Variants in ADGRD2 observed in about 807,000 individuals in gnomAD.
The protein encoded by ADGRD2 is G protein-coupled receptor PGR24.
A neutral mutation model predicts 44.4 loss-of-function variants in ADGRD2; 71 were observed. The ratio of observed to expected loss-of-function variants is 1.60; its 90% confidence interval spans 1.32 to 1.95. ADGRD2 has a LOEUF of 1.95. ADGRD2 is among the 30% of genes most tolerant of loss of function. ADGRD2 has a pLI of 0.00. For synonymous variants in ADGRD2, 481 were observed against 224.8 expected (o/e 2.14, Z -10.19); for missense variants, 1,039 against 512.4 (o/e 2.03, Z -9.92).
intron 10 of ADGRD2, chr9:124,465,414 C>G (rs1469610894): frequency 6.7e-6 from 1 of 150,214 alleles, no homozygotes; most frequent in Non-Finnish European, 1.5e-5. Context: ...TTCAATAGCA[C>G]AATCTTGGCT....
At position 124,454,128 on chromosome 9, in the gene ADGRD2, T is replaced by A; in HGVS notation, c.1022+31T>A. Reference sequence around the variant, plus strand: ...CCCTGGCTGTACCCCTGGGCTCTGCTGAAGGGAAAGCCGGTGTGGACCGGA... The same window carrying A: ...CCCTGGCTGTACCCCTGGGCTCTGCAGAAGGGAAAGCCGGTGTGGACCGGA... On this transcript the variant is annotated intron_variant, in intron 4 of 21. Transcript: ENST00000334810. The surrounding 1 kb of genome is among the most constrained non-coding windows in gnomAD (Gnocchi z 4.5). 1.5e-6 allele frequency: 1 copy of A among 654,370 alleles called. No homozygotes were observed. Among genetic ancestry groups the A allele is most frequent in the Non-Finnish European group, 2.8e-6 (1 of 357,650 alleles). 40.5% of individuals were successfully genotyped at this position (654,370 alleles called of 1,614,324 possible).
chr9:124,467,838 A>C lies in ADGRD2; in HGVS notation c.2130+14A>C. ...CCTGGTGGCCGGGTGAGGAGAGTTC[A>C]CCACTGTAGCCTGGTGGCCTGGGCC... On this transcript the variant is annotated intron_variant, in intron 12 of 21. Transcript: ENST00000334810. 1 of 718,080 alleles carries C rather than the reference A, an allele frequency of 1.4e-6. No homozygotes were observed. The highest frequency in any genetic ancestry group is 2.6e-6 in the Non-Finnish European group (1 of 384,942). 44.5% of individuals were successfully genotyped at this position (718,080 alleles called of 1,614,324 possible). A position where few individuals can be genotyped will look rare whatever the true frequency, so the allele number is the denominator to read the frequency against.
exon 14 of ADGRD2, chr9:124,468,534 G>A (rs76895556): frequency 0.015 from 10,621 of 718,562 alleles, 416 homozygotes; most frequent in East Asian, 0.086. Context: ...ATGTGTGGCT[G>A]TCACAGTCGC....
chr9:124,452,002 C>G, upstream of ADGRD2: 2 of 328,200 alleles, frequency 6.1e-6, no homozygotes, highest in South Asian at 2.3e-5. Context: ...TGAATGCCCC[C>G]CTCCCACCCA....
At position 124,453,679 on chromosome 9, in the gene ADGRD2, A is replaced by G. The variant is rs1302138390; in HGVS notation, c.923+3A>G. The G allele has an allele frequency of 1.7e-5, 12 of 698,088 alleles. No individual in the cohort carries two copies. The highest frequency in any genetic ancestry group is 3.1e-5 in the Non-Finnish European group (12 of 383,102). The allele number at this position is 698,088 out of a possible 1,614,324, so 43.2% of individuals were successfully genotyped here. On this transcript the variant is annotated splice_donor_region_variant and intron_variant, in intron 3 of 21. Transcript: ENST00000334810. ...GTGGGTGCGCCTTCTCTGTCCCGGT[A>G]CGACCCGCCCCGCCCCGGCCCCACC...
intron 10 of ADGRD2, 83 bp from the exon 14 acceptor site, chr9:124,466,175 G>C (rs1031911700): frequency 2.0e-6 from 1 of 507,262 alleles, no homozygotes; most frequent in African/African-American, 2.0e-5. Context: ...TAGAGGCAGG[G>C]CAGTGACAGG....
chr9:124,452,389 G>A (rs529524476), intron 1 of ADGRD2, 121 bp from the exon 5 acceptor site: 2 of 684,554 alleles, frequency 2.9e-6, no homozygotes, highest in Non-Finnish European at 5.4e-6. Context: ...CATAGACATG[G>A]GCGGGTTCAG....
intron 10 of ADGRD2, among the ~76,000 whole-genome samples, chr9:124,458,950 C>G (rs1044741647): frequency 6.6e-6 from 1 of 152,232 alleles, no homozygotes; most frequent in African/African-American, 2.4e-5. Flanking sequence ...ATCCTCCAAC[C>G]GCGCACTTCA....
chr9:124,459,781 ATG>A (rs1285643531), intron 10 of ADGRD2, among the ~76,000 whole-genome samples: 2 of 151,814 alleles, frequency 1.3e-5, no homozygotes, highest in Non-Finnish European at 2.9e-5. Context: ...ATACAGGAGC[ATG>A]TGTTTAGGTT....
At chr9:124,462,919 C>T (rs1831747253) in intron 10 of ADGRD2, among the ~76,000 whole-genome samples, 1 of 150,320 alleles carries the variant, frequency 6.7e-6, no homozygotes, top group Non-Finnish European at 1.5e-5. Context: ...TCCTTCCTGA[C>T]TTTCTCTCTC....
chr9:124,455,156 G>C (rs1162333485), intron 6 of ADGRD2, 29 bp downstream of exon 9: 2 of 663,098 alleles, frequency 3.0e-6, no homozygotes, highest in Admixed American at 2.2e-5. Flanking sequence ...GGTGGGGCAG[G>C]GGCCTGGGCT....
chr9:124,474,427 A>C (rs1171386087), intron 17 of ADGRD2, among the ~76,000 whole-genome samples: 4 of 152,154 alleles, frequency 2.6e-5, no homozygotes, highest in Non-Finnish European at 5.9e-5. Context: ...AATGGGATGG[A>C]GAAGGCAGTG....
exon 8 of ADGRD2, chr9:124,457,578 G>A (rs954605908): frequency 4.5e-6 from 3 of 672,788 alleles, no homozygotes; most frequent in Non-Finnish European, 8.1e-6. Context: ...ACATTCCTGC[G>A]AGTGAAGTGA....
At chr9:124,475,828 G>C (rs2131262863) in intron 19 of ADGRD2, among the ~76,000 whole-genome samples, 1 of 152,274 alleles carries the variant, frequency 6.6e-6, no homozygotes, top group South Asian at 2.1e-4. Context: ...CAGCACCCAG[G>C]TGGGAGTGCC....
exon 17 of ADGRD2, chr9:124,470,510 G>A (rs775293475): frequency 4.6e-5 from 33 of 711,060 alleles, no homozygotes; most frequent in Middle Eastern, 2.3e-4. Context: ...GGTGAAGCCC[G>A]TGCTGGTCCT....
intron 3 of ADGRD2, 29 bp downstream of exon 6, chr9:124,453,705 C>CCCA: frequency 1.5e-6 from 1 of 681,868 alleles, no homozygotes; most frequent in South Asian, 1.5e-5. Flanking sequence ...CGGCCCCACC[C>CCCA]CATGGCCCCG....
At chr9:124,475,798 G>A (rs1224926003) in intron 19 of ADGRD2, among the ~76,000 whole-genome samples, 183 bp downstream of exon 22, 2 of 152,166 alleles carry the variant, frequency 1.3e-5, no homozygotes, top group African/African-American at 2.4e-5. Context: ...CCGGAGACAC[G>A]TGGCTCTCAG....
intron 15 of ADGRD2, 38 bp from the exon 19 acceptor site, chr9:124,469,394 T>TG (rs34692594): frequency 1.1e-5 from 8 of 717,934 alleles, no homozygotes; most frequent in Non-Finnish European, 1.8e-5. Flanking sequence ...GTGTTGGGGA[T>TG]GGGGAAGTCC....
chr9:124,456,138 G>A (rs752281767), intron 6 of ADGRD2, among the ~76,000 whole-genome samples: 3 of 152,258 alleles, frequency 2.0e-5, no homozygotes, highest in African/African-American at 4.8e-5. Context: ...CTGGGGAATA[G>A]GGATGATCAC....
Sources: allele counts gnomAD v4.1 joint callset (sites outside exome capture counted in the v4.1 genomes callset), GRCh38; gene constraint gnomAD v4.1.1; non-coding constraint Gnocchi (gnomAD v3.1); transcripts MANE v1.5; gene names NCBI Gene and HGNC (gene_info 2026-07-23, HGNC 2026-07-21).